The following RAP1GAP2 variants were observed in gnomAD, a reference collection of about 807,000 sequenced individuals.
RAP1GAP2 encodes RAP1 GTPase activating protein 2.
A neutral mutation model predicts 95.0 loss-of-function variants in RAP1GAP2; 27 were observed. The ratio of observed to expected loss-of-function variants is 0.28; its 90% CI spans 0.21 to 0.39. The LOEUF (loss-of-function observed/expected upper bound fraction) is 0.39, where lower values mean the gene tolerates loss of function less well. RAP1GAP2 is among the 10% of genes least tolerant of loss of function. The probability of loss-of-function intolerance (pLI) is 1.00; values close to 1 mark genes in which losing one functional copy is unlikely to be tolerated. For synonymous variants in RAP1GAP2, 373 were observed against 380.9 expected, an observed-to-expected ratio of 0.98 and a Z score of 0.24; for missense variants, 771 against 970.0, an observed-to-expected ratio of 0.79 and a Z score of 2.72.
intron 2 of RAP1GAP2, among the ~76,000 whole-genome samples, chr17:2,850,866 G>T (rs559543172): frequency 4.4e-4 from 67 of 151,824 alleles, no homozygotes; most frequent in African/African-American, 1.6e-3. Flanking sequence ...TTCGAGATCA[G>T]CCTGGCCAAC....
intron 2 of RAP1GAP2, among the ~76,000 whole-genome samples, chr17:2,829,942 G>T (rs372028503): frequency 6.6e-6 from 1 of 151,446 alleles, no homozygotes; most frequent in African/African-American, 2.4e-5. Context: ...GTGAGCCACC[G>T]TACCTGGCAG....
chr17:2,789,531 C>T (rs178581), intron 1 of RAP1GAP2, among the ~76,000 whole-genome samples: 80,246 of 147,652 alleles, frequency 0.54, 23,173 homozygotes, highest in East Asian at 0.74. Flanking sequence ...GAAACTGAGG[C>T]GGGCAGATCA....
At chr17:2,946,562 A>G (rs1405491141) in intron 3 of RAP1GAP2, among the ~76,000 whole-genome samples, 1 of 152,114 alleles carries the variant, frequency 6.6e-6, no homozygotes, top group Non-Finnish European at 1.5e-5. Context: ...GTCCTATAAA[A>G]ACCCAACCAT....
Position 2,796,472 on chromosome 17 carries a change from A to T in RAP1GAP2, c.-56A>T, listed in dbSNP as rs1451990625. The T allele has an allele frequency of 2.6e-6, 4 of 1,546,872 alleles. No individual in the cohort carries two copies. In the African/African-American group the frequency reaches 5.5e-5, roughly 21 times the overall value. On this transcript the variant is annotated 5_prime_UTR_variant, in exon 1 of 25. Coordinates refer to ENST00000254695, the MANE Select transcript of RAP1GAP2 (RefSeq NM_015085.5). This position sits in a 1 kb window ranked among gnomAD's most constrained non-coding sequence, Gnocchi z 4.7. ...GCTGTACCACGGCCCTCTTGCGGAC[A>T]GCCCCGGGGACGTCGTTGGGACATC...
Position 2,965,691 on chromosome 17 carries a change from C to G in RAP1GAP2, c.596+48C>G. The stretch of plus-strand genomic sequence containing the variant: ...GGCCACTTCTCTTCCAGGCAGGGCT[C>G]TCATCGGTGGTGTGGGGGCTGGGAT... On this transcript the variant is annotated intron_variant, in intron 8 of 24. Coordinates refer to ENST00000254695, the MANE Select transcript of RAP1GAP2 (RefSeq NM_015085.5). The surrounding 1 kb of genome is among the most constrained non-coding windows in gnomAD (Gnocchi z 4.7). 1 of 1,387,236 alleles carries G rather than the reference C, an allele frequency of 7.2e-7. No individual in the cohort carries two copies. Among genetic ancestry groups the G allele is most frequent in the Non-Finnish European group, 1.0e-6 (1 of 993,776 alleles). The allele number at this position is 1,387,236 out of a possible 1,614,324, so 85.9% of individuals were successfully genotyped here.
intron 3 of RAP1GAP2, among the ~76,000 whole-genome samples, chr17:2,951,221 G>A (rs190108510): frequency 9.5e-4 from 144 of 152,352 alleles, no homozygotes; most frequent in African/African-American, 3.3e-3. Context: ...ACGCTTCACT[G>A]ACTGTGTGCC....
chr17:2,952,892 C>T (rs1429988545), intron 3 of RAP1GAP2, among the ~76,000 whole-genome samples: 2 of 151,888 alleles, frequency 1.3e-5, no homozygotes, highest in East Asian at 3.9e-4. Context: ...GCAGCCTCCA[C>T]CTCTTGGGTT....
chr17:2,961,532 A>C (rs2044325155), intron 4 of RAP1GAP2, among the ~76,000 whole-genome samples: 1 of 152,214 alleles, frequency 6.6e-6, no homozygotes, highest in South Asian at 2.1e-4. Flanking sequence ...AAAACAAACA[A>C]ACAAACAAAA....
chr17:2,963,989 A>G lies in RAP1GAP2; in HGVS notation c.413A>G (p.Asn138Ser), dbSNP rs1457879991. 6 of 1,611,988 alleles carry G rather than the reference A, an allele frequency of 3.7e-6. No individual in the cohort carries two copies. Among genetic ancestry groups the G allele is most frequent in the Non-Finnish European group, 5.1e-6 (6 of 1,179,508 alleles). The change falls in exon 7 of 25, where the codon AAC becomes AGC. Residue 138 changes from asparagine to serine, a missense_variant. Asn to Ser is a conservative substitution (Grantham distance 46, BLOSUM62 1). Coordinates refer to ENST00000254695, the MANE Select transcript of RAP1GAP2 (RefSeq NM_015085.5). This position sits in a 1 kb window ranked among gnomAD's most constrained non-coding sequence, Gnocchi z 4.8. The part of the protein sequence containing the change: ...SSICEEEEED[N>S]LSPNTFGYKL... ...ATCTGTGAGGAGGAGGAAGAGGACAACCTCAGCCCCAACACATTTGGCTAC... is the reference window on the plus strand; with the variant it reads ...ATCTGTGAGGAGGAGGAAGAGGACAGCCTCAGCCCCAACACATTTGGCTAC...
At chr17:2,942,188 C>A (rs886704555) in intron 3 of RAP1GAP2, among the ~76,000 whole-genome samples, 2 of 152,140 alleles carry the variant, frequency 1.3e-5, no homozygotes, top group African/African-American at 4.8e-5. Flanking sequence ...AAGTCTCCAA[C>A]CCTCCAGGCC....
chr17:2,988,941 C>T (rs994387190), intron 11 of RAP1GAP2, among the ~76,000 whole-genome samples: 19 of 152,092 alleles, frequency 1.2e-4, no homozygotes, highest in African/African-American at 4.1e-4. Flanking sequence ...CGCCTGTAGT[C>T]CCAGCTACTC....
At chr17:2,824,853 G>C (rs1013028808) in intron 2 of RAP1GAP2, among the ~76,000 whole-genome samples, 2 of 151,952 alleles carry the variant, frequency 1.3e-5, no homozygotes, top group Admixed American at 6.6e-5. Flanking sequence ...GGAGATGCCT[G>C]TGGTGGTTCG....
At chr17:2,890,984 C>T (rs907707177) in intron 2 of RAP1GAP2, among the ~76,000 whole-genome samples, 1 of 152,008 alleles carries the variant, frequency 6.6e-6, no homozygotes, top group African/African-American at 2.4e-5. Context: ...CCACGCCCGA[C>T]CAATGTTTAC....
intron 17 of RAP1GAP2, among the ~76,000 whole-genome samples, chr17:3,010,509 G>T (rs1423675527): frequency 6.6e-6 from 1 of 152,160 alleles, no homozygotes; most frequent in African/African-American, 2.4e-5. Flanking sequence ...TCCTGGAGAT[G>T]CTTGTAGGCT....
At chr17:2,898,759 C>T (rs1307298159) in intron 2 of RAP1GAP2, among the ~76,000 whole-genome samples, 4 of 152,294 alleles carry the variant, frequency 2.6e-5, no homozygotes, top group African/African-American at 2.4e-5. Flanking sequence ...GGCAACAAGG[C>T]GACCAGCCAT....
At chr17:2,791,366 C>T (rs2068920221) in intron 1 of RAP1GAP2, among the ~76,000 whole-genome samples, 1 of 152,056 alleles carries the variant, frequency 6.6e-6, no homozygotes, top group Admixed American at 6.6e-5. Flanking sequence ...CGTTTTGAGC[C>T]TGAGAGAGAA....
intron 2 of RAP1GAP2, among the ~76,000 whole-genome samples, chr17:2,853,644 A>AGGCCGGGGCGCGGGAGGCGG (rs1192009528): frequency 7.1e-6 from 1 of 140,270 alleles, no homozygotes; most frequent in African/African-American, 2.6e-5. Flanking sequence ...CGGGCGGCCG[A>AGGCCGGGGCGCGGGAGGCGG]GGCCGGGGCG....
chr17:2,994,597 C>G (rs909227779), intron 12 of RAP1GAP2, among the ~76,000 whole-genome samples: 26 of 152,232 alleles, frequency 1.7e-4, no homozygotes, highest in Admixed American at 6.5e-5. Context: ...GGGCTCCCCA[C>G]CAGCCACCAG....
intron 1 of RAP1GAP2, among the ~76,000 whole-genome samples, chr17:2,799,880 C>T (rs1412559062): frequency 6.6e-6 from 1 of 152,124 alleles, no homozygotes; most frequent in African/African-American, 2.4e-5. Context: ...AGGGCGGGCA[C>T]AGGCTGGGGA....
Sources: allele counts gnomAD v4.1 joint callset (sites outside exome capture counted in the v4.1 genomes callset), GRCh38; gene constraint gnomAD v4.1.1; non-coding constraint Gnocchi (gnomAD v3.1); transcripts MANE v1.5; gene names NCBI Gene and HGNC (gene_info 2026-07-23, HGNC 2026-07-21).